Variants in SLC7A6 observed in about 807,000 individuals in gnomAD.
SLC7A6 encodes solute carrier family 7 member 6.
A neutral mutation model predicts 46.6 loss-of-function variants in SLC7A6; 29 were observed. The ratio of observed to expected loss-of-function variants is 0.62; its 90% CI spans 0.46 to 0.85. The LOEUF (loss-of-function observed/expected upper bound fraction) is 0.85, where lower values mean the gene tolerates loss of function less well. Among genes scored for constraint, SLC7A6 ranks in the 40% least tolerant of loss-of-function variants. The pLI, the probability that SLC7A6 is intolerant of heterozygous loss-of-function variation, is 0.00. For synonymous variants in SLC7A6, 276 were observed against 257.3 expected (o/e 1.07, Z -0.70); for missense variants, 527 against 647.6 (o/e 0.81, Z 2.02).
chr16:68,298,593 G>T lies in SLC7A6; in HGVS notation c.*1265G>T, dbSNP rs1277787913. 6.6e-6 allele frequency: 1 copy of T among 152,312 alleles called. No homozygotes were observed. Among genetic ancestry groups the T allele is most frequent in the Admixed American group, 6.5e-5 (1 of 15,292 alleles). 9.4% of individuals were successfully genotyped at this position (152,312 alleles called of 1,614,324 possible). A position where few individuals can be genotyped will look rare whatever the true frequency, so the allele number is the denominator to read the frequency against. On this transcript the variant is annotated 3_prime_UTR_variant, in exon 11 of 11. Transcript: ENST00000219343. ...CGAGGTGTGGTGGCTGCAGTCTCAG[G>T]AAGAGCTTGGTACTTGTGGGGACTT...
At chr16:68,296,575 C>T (rs1010197228) in intron 9 of SLC7A6, 52 bp from the exon 10 acceptor site, 108 of 1,613,416 alleles carry the variant, frequency 6.7e-5, no homozygotes, top group South Asian at 1.6e-4. Flanking sequence ...TTCTTGCCCA[C>T]GAGCTGTTTC....
At chr16:68,287,989 T>G in intron 4 of SLC7A6, 118 bp downstream of exon 4, 1 of 1,417,916 alleles carries the variant, frequency 7.1e-7, no homozygotes, top group South Asian at 1.4e-5. Flanking sequence ...CATGTGTCAG[T>G]GAGTGCAAGA....
At chr16:68,270,197 T>C (rs1432594345) in intron 2 of SLC7A6, among the ~76,000 whole-genome samples, 1 of 118,520 alleles carries the variant, frequency 8.4e-6, no homozygotes. Flanking sequence ...GTTGTCTGGT[T>C]CAGCCTCAGT....
At chr16:68,284,468 G>T in intron 3 of SLC7A6, 2 of 174,256 alleles carry the variant, frequency 1.1e-5, no homozygotes, top group Non-Finnish European at 2.3e-5. Context: ...TATCCTTCCA[G>T]CTGGTCTATT....
At chr16:68,286,053 ACCCACTCCAGCCTGGGTGACAG>A (rs1402424195) in intron 3 of SLC7A6, among the ~76,000 whole-genome samples, 1 of 141,462 alleles carries the variant, frequency 7.1e-6, no homozygotes, top group Non-Finnish European at 1.5e-5. Flanking sequence ...CTGTGATCGC[ACCCACTCCAGCCTGGGTGACAG>A]AGCAAGACCC....
chr16:68,275,266 A>C lies in SLC7A6; in HGVS notation c.523+17A>C. ...CTTGCATATGTAAGTGGGGGCTGAG[A>C]TTGGGAGGATGTTGGGGGGTGGGGG... On this transcript the variant is annotated intron_variant, in intron 3 of 10. Coordinates refer to ENST00000219343, the MANE Select transcript of SLC7A6 (RefSeq NM_003983.6). The C allele has an allele frequency of 1.0e-6, 1 of 966,262 alleles. No homozygotes were observed. Among genetic ancestry groups the C allele is most frequent in the Admixed American group, 1.9e-5 (1 of 53,116 alleles). The allele number at this position is 966,262 out of a possible 1,614,324, so 59.9% of individuals were successfully genotyped here. A position where few individuals can be genotyped will look rare whatever the true frequency, so the allele number is the denominator to read the frequency against.
Position 68,300,599 on chromosome 16 carries a change from T to C in SLC7A6, c.*3271T>C, listed in dbSNP as rs1281586356. 1.0e-6 allele frequency: 1 copy of C among 983,534 alleles called. No homozygotes were observed. The highest frequency in any genetic ancestry group is 1.2e-6 in the Non-Finnish European group (1 of 828,292). The allele number at this position is 983,534 out of a possible 1,614,324, so 60.9% of individuals were successfully genotyped here. On this transcript the variant is annotated 3_prime_UTR_variant, in exon 11 of 11. Coordinates refer to ENST00000219343, the MANE Select transcript of SLC7A6 (RefSeq NM_003983.6). ...TTAGATATTCAGATTTAAAAGGTTT[T>C]CAAAGAATTACTTTCTTCCATGTTC...
intron 2 of SLC7A6, among the ~76,000 whole-genome samples, chr16:68,273,510 G>A (rs2042656719): frequency 6.6e-6 from 1 of 152,122 alleles, no homozygotes; most frequent in Non-Finnish European, 1.5e-5. Flanking sequence ...TCAGGAAGGT[G>A]CTTATTTTCC....
intron 6 of SLC7A6, 51 bp from the exon 7 acceptor site, chr16:68,291,507 G>T: frequency 6.3e-7 from 1 of 1,596,640 alleles, no homozygotes; most frequent in Non-Finnish European, 8.6e-7. Context: ...AGATGCAGGA[G>T]GATTATGAAA....
intron 4 of SLC7A6, among the ~76,000 whole-genome samples, chr16:68,289,146 A>C (rs1329509419): frequency 6.7e-6 from 1 of 148,996 alleles, no homozygotes; most frequent in African/African-American, 2.5e-5. Context: ...ACAAAAAATT[A>C]GCCGGGGGTG....
intron 3 of SLC7A6, among the ~76,000 whole-genome samples, chr16:68,282,480 A>G (rs1237454240): frequency 1.3e-5 from 2 of 152,186 alleles, no homozygotes; most frequent in African/African-American, 2.4e-5. Context: ...ACATATTTAT[A>G]TACATCCCAG....
At chr16:68,277,025 C>T (rs550411385) in intron 3 of SLC7A6, among the ~76,000 whole-genome samples, 2 of 151,878 alleles carry the variant, frequency 1.3e-5, no homozygotes, top group South Asian at 4.2e-4. Context: ...AAAAACCTCA[C>T]AAAGCATGTT....
intron 2 of SLC7A6, among the ~76,000 whole-genome samples, chr16:68,270,325 C>G (rs1319735209): frequency 2.6e-5 from 4 of 152,020 alleles, no homozygotes; most frequent in African/African-American, 9.7e-5. Flanking sequence ...CCTACCCCTC[C>G]TCCAGGCATA....
At chr16:68,292,778 T>C (rs2043082930) in intron 7 of SLC7A6, 1 of 152,218 alleles carries the variant, frequency 6.6e-6, no homozygotes, top group Non-Finnish European at 1.5e-5. Context: ...AGGCGATCTC[T>C]TTCTTAGCCT....
chr16:68,276,182 C>T (rs1205122087), intron 3 of SLC7A6, among the ~76,000 whole-genome samples: 1 of 152,226 alleles, frequency 6.6e-6, no homozygotes, highest in African/African-American at 2.4e-5. Context: ...TGTAAACAAG[C>T]TCTGCCTGCG....
intron 3 of SLC7A6, among the ~76,000 whole-genome samples, chr16:68,278,367 G>T (rs1340660480): frequency 6.6e-6 from 1 of 151,378 alleles, no homozygotes; most frequent in Non-Finnish European, 1.5e-5. Flanking sequence ...ATTTGGCAGG[G>T]TCATAGGACA....
intron 3 of SLC7A6, among the ~76,000 whole-genome samples, chr16:68,278,204 T>C (rs770409767): frequency 1.7e-4 from 25 of 149,808 alleles, no homozygotes; most frequent in Non-Finnish European, 3.3e-4. Flanking sequence ...ATCCGCCTGC[T>C]TTGGCCTCCC....
intron 3 of SLC7A6, among the ~76,000 whole-genome samples, chr16:68,276,612 G>A (rs1168186720): frequency 6.6e-6 from 1 of 152,162 alleles, no homozygotes; most frequent in South Asian, 2.1e-4. Context: ...TAGGGAAGGC[G>A]GCTGCTCAGC....
intron 4 of SLC7A6, among the ~76,000 whole-genome samples, chr16:68,289,422 C>G (rs116013794): frequency 0.013 from 2,000 of 152,248 alleles, 59 homozygotes; most frequent in African/African-American, 0.045. Flanking sequence ...TCAGGAGCAT[C>G]CTGGGGTCAA....
Sources: allele counts gnomAD v4.1 joint callset (sites outside exome capture counted in the v4.1 genomes callset), GRCh38; gene constraint gnomAD v4.1.1; transcripts MANE v1.5; gene names NCBI Gene and HGNC (gene_info 2026-07-23, HGNC 2026-07-21).